The following ZMYND11 variants were observed in gnomAD, a reference collection of about 807,000 sequenced individuals.
ZMYND11 encodes zinc finger MYND-type containing 11, also known as zinc finger MYND domain-containing protein 11.
In ZMYND11, 9 loss-of-function variants were observed where a neutral mutation model predicts 84.9. The ratio of observed to expected loss-of-function variants is 0.11; its 90% confidence interval spans 0.06 to 0.18. The LOEUF is 0.18. ZMYND11 is among the 10% of genes least tolerant of loss of function. The probability of loss-of-function intolerance (pLI) is 1.00; values close to 1 mark genes in which losing one functional copy is unlikely to be tolerated. For synonymous variants in ZMYND11, 250 were observed against 244.1 expected, an observed-to-expected ratio of 1.02 and a Z score of -0.23; for missense variants, 409 against 761.0, an observed-to-expected ratio of 0.54 and a Z score of 5.44.
chr10:156,278 G>C (rs1841699795), intron 1 of ZMYND11, among the ~76,000 whole-genome samples: 1 of 152,156 alleles, frequency 6.6e-6, no homozygotes, highest in Non-Finnish European at 1.5e-5. Context: ...CGATTTTTCT[G>C]TATTGTTGCA....
intron 4 of ZMYND11, among the ~76,000 whole-genome samples, chr10:234,331 C>G (rs916512453): frequency 1.3e-4 from 20 of 152,240 alleles, no homozygotes; most frequent in Admixed American, 1.2e-3. Context: ...CAGGCCTCCT[C>G]TCCCACTGTC....
chr10:231,952 C>G (rs1949079830), intron 4 of ZMYND11, among the ~76,000 whole-genome samples: 1 of 152,134 alleles, frequency 6.6e-6, no homozygotes, highest in South Asian at 2.1e-4. Context: ...CGTATGCCAC[C>G]AGGTGATACG....
At chr10:163,224 A>G (rs1843288829) in intron 1 of ZMYND11, among the ~76,000 whole-genome samples, 1 of 151,998 alleles carries the variant, frequency 6.6e-6, no homozygotes, top group Non-Finnish European at 1.5e-5. Context: ...ACCGCTCCCC[A>G]TCACCCCCCC....
At chr10:233,135 T>C (rs1459680035) in intron 4 of ZMYND11, among the ~76,000 whole-genome samples, 3 of 152,198 alleles carry the variant, frequency 2.0e-5, no homozygotes, top group African/African-American at 7.2e-5. Context: ...TTTAGGACTA[T>C]GAATGCCTAG....
At chr10:139,832 C>T (rs540310371) in intron 1 of ZMYND11, among the ~76,000 whole-genome samples, 1 of 151,346 alleles carries the variant, frequency 6.6e-6, no homozygotes, top group African/African-American at 2.4e-5. Context: ...ATGCCTTAGC[C>T]TGCCAAGTAG....
chr10:249,998 C>T (rs1289445612), intron 14 of ZMYND11, among the ~76,000 whole-genome samples: 3 of 152,094 alleles, frequency 2.0e-5, no homozygotes, highest in Non-Finnish European at 2.9e-5. Context: ...AAAAAGAGAA[C>T]TTTATTTTCT....
intron 1 of ZMYND11, among the ~76,000 whole-genome samples, chr10:170,615 A>T (rs1339728078): frequency 2.8e-4 from 43 of 152,126 alleles, no homozygotes; most frequent in African/African-American, 1.0e-3. Flanking sequence ...ATGTTATTCG[A>T]AAGTGGACTT....
chr10:221,450 A>T (rs994932216), intron 4 of ZMYND11, 94 bp downstream of exon 4: 1 of 1,331,014 alleles, frequency 7.5e-7, no homozygotes, highest in Non-Finnish European at 1.0e-6. Context: ...TGCCAGGTGA[A>T]CGGATAAAGG....
At chr10:213,840 A>G (rs1351381712) in intron 3 of ZMYND11, among the ~76,000 whole-genome samples, 2 of 152,138 alleles carry the variant, frequency 1.3e-5, no homozygotes, top group East Asian at 1.9e-4. Context: ...TTGGTGTTAC[A>G]TTTTTATTTC....
chr10:239,642 A>G (rs551425333), intron 7 of ZMYND11, 117 bp downstream of exon 7: 129 of 786,636 alleles, frequency 1.6e-4, no homozygotes, highest in Non-Finnish European at 2.5e-4. Flanking sequence ...ATGATCTACA[A>G]GTTTAGAGTA....
intron 2 of ZMYND11, among the ~76,000 whole-genome samples, chr10:204,439 A>G (rs1386790815): frequency 2.0e-5 from 3 of 152,134 alleles, no homozygotes; most frequent in Non-Finnish European, 4.4e-5. Flanking sequence ...TGGTTTCTGT[A>G]TATGAATGCT....
chr10:214,198 A>G (rs965923713), intron 3 of ZMYND11, among the ~76,000 whole-genome samples: 1 of 152,168 alleles, frequency 6.6e-6, no homozygotes, highest in Admixed American at 6.5e-5. Context: ...TCTTTGTGGT[A>G]ATGTTTTAAA....
intron 4 of ZMYND11, among the ~76,000 whole-genome samples, chr10:232,700 A>C (rs1949206896): frequency 6.6e-6 from 1 of 152,214 alleles, no homozygotes; most frequent in East Asian, 1.9e-4. Flanking sequence ...GGAACATGGA[A>C]GCTTTCAACA....
At chr10:214,301 A>G (rs1046116436) in intron 3 of ZMYND11, among the ~76,000 whole-genome samples, 2 of 152,214 alleles carry the variant, frequency 1.3e-5, no homozygotes, top group African/African-American at 4.8e-5. Context: ...TTAGTCAAGC[A>G]AACAGAAGTA....
intron 10 of ZMYND11, among the ~76,000 whole-genome samples, chr10:245,960 C>G (rs568213967): frequency 2.2e-4 from 34 of 152,308 alleles, no homozygotes; most frequent in African/African-American, 7.2e-4. Context: ...AACTCAAGAT[C>G]ACGTAGACCC....
intron 2 of ZMYND11, among the ~76,000 whole-genome samples, chr10:195,134 A>G (rs1314709396): frequency 6.6e-6 from 1 of 152,196 alleles, no homozygotes. Flanking sequence ...TGCAAAACTG[A>G]AATAATAGCT....
At chr10:182,353 C>T (rs961792742) in intron 2 of ZMYND11, among the ~76,000 whole-genome samples, 3 of 152,184 alleles carry the variant, frequency 2.0e-5, no homozygotes, top group African/African-American at 4.8e-5. Context: ...TATTGATAAG[C>T]ATTCTTTTCT....
At chr10:182,241 G>A (rs1010118225) in intron 2 of ZMYND11, among the ~76,000 whole-genome samples, 2 of 152,068 alleles carry the variant, frequency 1.3e-5, no homozygotes, top group African/African-American at 4.8e-5. Flanking sequence ...GATACCTGTT[G>A]GATTATTACA....
chr10:166,310 G>A (rs1426060262), intron 1 of ZMYND11, among the ~76,000 whole-genome samples: 7 of 152,018 alleles, frequency 4.6e-5, no homozygotes, highest in Non-Finnish European at 7.4e-5. Flanking sequence ...GCGTAAAGAC[G>A]GTCTACAGAA....
Sources: gnomAD v4.1 joint callset for allele counts (sites outside exome capture counted in the v4.1 genomes callset) on GRCh38, gnomAD v4.1.1 for gene constraint, MANE v1.5 for transcripts, NCBI Gene and HGNC (gene_info 2026-07-23, HGNC 2026-07-21) for gene names.